The following LIPC variants were observed in gnomAD, a reference collection of about 807,000 sequenced individuals.
The protein encoded by LIPC is hepatic triacylglycerol lipase.
LIPC carries 44 observed loss-of-function variants against 50.7 expected under a neutral mutation model. The observed-to-expected ratio is 0.87, with a 90% CI of 0.68 to 1.11. LIPC has a LOEUF of 1.11. Among genes scored for constraint, LIPC ranks in the 50% most tolerant of loss-of-function variants. The probability of loss-of-function intolerance (pLI) is 0.00; values close to 1 mark genes in which losing one functional copy is unlikely to be tolerated. For missense variants in LIPC, 697 were observed against 648.2 expected (o/e 1.08, Z -0.82); for synonymous variants, 271 against 256.4 (o/e 1.06, Z -0.54).
intron 1 of LIPC, among the ~76,000 whole-genome samples, chr15:58,519,422 A>AG (rs1892587384): frequency 1.3e-5 from 2 of 151,276 alleles, no homozygotes; most frequent in Non-Finnish European, 1.5e-5. Flanking sequence ...AAAAAAAAAA[A>AG]AAGAAAAAAA....
At chr15:58,481,083 C>A (rs1046424967) in intron 1 of LIPC, among the ~76,000 whole-genome samples, 10 of 152,224 alleles carry the variant, frequency 6.6e-5, no homozygotes, top group Non-Finnish European at 1.0e-4. Context: ...TGATTACAAG[C>A]CCTACAGCCC....
intron 1 of LIPC, among the ~76,000 whole-genome samples, chr15:58,518,301 C>T (rs1390980231): frequency 2.0e-5 from 3 of 152,176 alleles, no homozygotes; most frequent in Non-Finnish European, 2.9e-5. Context: ...TTGAAAACCA[C>T]TGCCCTAAAT....
chr15:58,434,641 C>T (rs890185752), intron 1 of LIPC, among the ~76,000 whole-genome samples: 1 of 152,246 alleles, frequency 6.6e-6, no homozygotes, highest in Non-Finnish European at 1.5e-5. Context: ...GACAGTTGTT[C>T]CTGCCCTTCA....
chr15:58,531,910 T>C lies in LIPC; in HGVS notation c.89-6423T>C, dbSNP rs183714371. On this transcript the variant is annotated intron_variant, in intron 1 of 8. Transcript: ENST00000299022. ...TTCTTCTGAGTTCAAAACAATATCTTAATGACCTGAAAAATTACCACGGCT... is the reference window on the plus strand; with the variant it reads ...TTCTTCTGAGTTCAAAACAATATCTCAATGACCTGAAAAATTACCACGGCT... 5.9e-5 allele frequency among the ~76,000 whole-genome samples: 9 copies of C among 152,276 alleles called. No homozygotes were observed. In the East Asian group the frequency reaches 1.5e-3, roughly 26 times the overall value.
intron 1 of LIPC, among the ~76,000 whole-genome samples, chr15:58,471,617 G>A (rs1180417440): frequency 6.6e-6 from 1 of 152,202 alleles, no homozygotes; most frequent in African/African-American, 2.4e-5. Context: ...GCCATACACT[G>A]CAGTAATCTA....
At chr15:58,475,226 CACA>C (rs1406612659) in intron 1 of LIPC, among the ~76,000 whole-genome samples, 3 of 152,150 alleles carry the variant, frequency 2.0e-5, no homozygotes, top group African/African-American at 7.2e-5. Context: ...CCTGTGCTCC[CACA>C]ACAACAGGCT....
intron 1 of LIPC, among the ~76,000 whole-genome samples, chr15:58,512,120 C>T (rs1443043480): frequency 2.1e-4 from 31 of 148,354 alleles, no homozygotes; most frequent in African/African-American, 4.5e-4. Context: ...TTTTTTGAGA[C>T]GGAGTCTCAA....
chr15:58,495,148 A>G (rs1430242496), intron 1 of LIPC, among the ~76,000 whole-genome samples: 1 of 152,192 alleles, frequency 6.6e-6, no homozygotes. Context: ...AGAGCACTGG[A>G]CTACGCATCA....
Position 58,542,080 on chromosome 15 carries a change from C to A in LIPC, c.456+113C>A, listed in dbSNP as rs1384934618. 4 of 1,221,398 alleles carry A rather than the reference C, an allele frequency of 3.3e-6. No homozygotes were observed. In the African/African-American group the frequency reaches 6.0e-5, roughly 18 times the overall value. 75.7% of individuals were successfully genotyped at this position (1,221,398 alleles called of 1,614,324 possible). On this transcript the variant is annotated intron_variant, in intron 3 of 8. Coordinates refer to ENST00000299022, the MANE Select transcript of LIPC (RefSeq NM_000236.3). ...AGCCCAGGCAGGAGAAGCACTAATG[C>A]TCAGCTCACAGGAATGAGAAGGCAC...
At chr15:58,478,946 G>A (rs577293564) in intron 1 of LIPC, among the ~76,000 whole-genome samples, 166 of 152,320 alleles carry the variant, frequency 1.1e-3, no homozygotes, top group South Asian at 3.1e-3. Flanking sequence ...AGCACCAACC[G>A]TGTGGTCCAC....
At chr15:58,502,689 G>A (rs1361905466) in intron 1 of LIPC, among the ~76,000 whole-genome samples, 3 of 152,062 alleles carry the variant, frequency 2.0e-5, no homozygotes, top group African/African-American at 7.2e-5. Flanking sequence ...AGAACTGGGG[G>A]AATATGTTCC....
At chr15:58,493,190 T>A (rs1321850128) in intron 1 of LIPC, among the ~76,000 whole-genome samples, 2 of 152,088 alleles carry the variant, frequency 1.3e-5, no homozygotes, top group African/African-American at 4.8e-5. Flanking sequence ...AAAATCAACT[T>A]CACATGATTA....
chr15:58,456,531 G>T (rs979854697), intron 1 of LIPC, among the ~76,000 whole-genome samples: 1 of 152,258 alleles, frequency 6.6e-6, no homozygotes, highest in Non-Finnish European at 1.5e-5. Flanking sequence ...GCAGCCCAGA[G>T]GCCCCTGGAG....
intron 1 of LIPC, among the ~76,000 whole-genome samples, chr15:58,495,860 C>T (rs540081959): frequency 4.6e-5 from 7 of 152,288 alleles, no homozygotes; most frequent in East Asian, 1.9e-4. Context: ...GCATGTTAAG[C>T]GTAGGGTCAA....
intron 4 of LIPC, among the ~76,000 whole-genome samples, chr15:58,544,123 C>T (rs923099939): frequency 6.6e-6 from 1 of 152,166 alleles, no homozygotes; most frequent in Admixed American, 6.5e-5. Flanking sequence ...GTGTGGCCCC[C>T]ATGGATTTAA....
intron 1 of LIPC, among the ~76,000 whole-genome samples, chr15:58,481,661 C>G (rs1427179842): frequency 6.6e-6 from 1 of 152,072 alleles, no homozygotes. Context: ...AAAAATTAGC[C>G]AGGCCTGGCA....
chr15:58,487,866 G>A (rs1257248266), intron 1 of LIPC, among the ~76,000 whole-genome samples: 1 of 152,192 alleles, frequency 6.6e-6, no homozygotes, highest in East Asian at 1.9e-4. Flanking sequence ...TTGCCAAGGA[G>A]CATGGTGGGA....
chr15:58,469,237 A>T (rs541977487), intron 1 of LIPC, among the ~76,000 whole-genome samples: 1 of 151,574 alleles, frequency 6.6e-6, no homozygotes, highest in African/African-American at 2.4e-5. Context: ...TGGCCCAAGT[A>T]ATCCTCCTGC....
chr15:58,498,034 A>G lies in LIPC; in HGVS notation c.89-40299A>G, dbSNP rs551466231. Reference sequence around the variant, plus strand: ...CAAAATATGATCTTTACAGAGCTCAACATGCCTTGCACACACTAGGTGTTT... The same window carrying G: ...CAAAATATGATCTTTACAGAGCTCAGCATGCCTTGCACACACTAGGTGTTT... On this transcript the variant is annotated intron_variant, in intron 1 of 8. Coordinates refer to ENST00000299022, the MANE Select transcript of LIPC (RefSeq NM_000236.3). 4.6e-5 allele frequency among the ~76,000 whole-genome samples: 7 copies of G among 152,362 alleles called. No individual in the cohort carries two copies. The South Asian group carries it at 1.0e-3, about 23-fold the overall frequency.
Sources: allele counts gnomAD v4.1 joint callset (sites outside exome capture counted in the v4.1 genomes callset), GRCh38; gene constraint gnomAD v4.1.1; transcripts MANE v1.5; gene names NCBI Gene and HGNC (gene_info 2026-07-23, HGNC 2026-07-21).